The following SCARB2 variants were observed in gnomAD, a reference collection of about 807,000 sequenced individuals.
SCARB2 encodes scavenger receptor class B member 2, also known as lysosome membrane protein 2.
A neutral mutation model predicts 58.6 loss-of-function variants in SCARB2; 29 were observed. That is an observed-to-expected ratio of 0.49 (90% CI 0.37 to 0.67). The LOEUF is 0.67. SCARB2 is among the 30% of genes least tolerant of loss of function. The probability of loss-of-function intolerance (pLI) is 0.00; values close to 1 mark genes in which losing one functional copy is unlikely to be tolerated. For missense variants in SCARB2, 488 were observed against 578.5 expected, an observed-to-expected ratio of 0.84 and a Z score of 1.60; for synonymous variants, 195 against 210.1, an observed-to-expected ratio of 0.93 and a Z score of 0.62.
intron 1 of SCARB2, among the ~76,000 whole-genome samples, chr4:76,200,109 C>T (rs1316653579): frequency 1.3e-5 from 2 of 152,216 alleles, no homozygotes; most frequent in African/African-American, 4.8e-5. Context: ...TAGTGTCCCC[C>T]TCAAAGGCGC....
chr4:76,173,950 T>C (rs571599542), intron 7 of SCARB2, 194 bp downstream of exon 7: 1 of 662,706 alleles, frequency 1.5e-6, no homozygotes, highest in South Asian at 1.8e-5. Context: ...TTTTGTTTTT[T>C]AGAGACAGTG....
Position 76,169,893 on chromosome 4 carries a change from G to T in SCARB2, c.1087C>A (p.His363Asn), listed in dbSNP as rs758857853. The T allele has an allele frequency of 6.2e-7, 1 of 1,613,650 alleles. No individual in the cohort carries two copies. The highest frequency in any genetic ancestry group is 8.5e-7 in the Non-Finnish European group (1 of 1,179,596). The stretch of plus-strand genomic sequence containing the variant: ...GGATTAATGTCCACAAATGTCTCAT[G>T]GTCTTCCTGATTTGGGTGCATGCCT... ...IEGMHPNQED[H>N]ETFVDINPLT... The change falls in exon 8 of 12, where the codon CAT (histidine) becomes AAT (asparagine). Residue 363 changes from histidine (H) to asparagine (N), a missense_variant. Transcript: ENST00000264896.
At chr4:76,217,749 A>G (rs1733235800), upstream of SCARB2, 4 of 510,814 alleles carry the variant, frequency 7.8e-6, no homozygotes, top group East Asian at 1.2e-4. Flanking sequence ...TGCTGTGGCA[A>G]GGAGATACGG....
At chr4:76,195,401 G>A (rs1162334416) in intron 2 of SCARB2, 2 of 265,138 alleles carry the variant, frequency 7.5e-6, no homozygotes, top group African/African-American at 2.2e-5. Flanking sequence ...AGAATATCAA[G>A]GGGCAACCTT....
intron 1 of SCARB2, among the ~76,000 whole-genome samples, chr4:76,225,237 T>C (rs757600540): frequency 1.2e-4 from 18 of 152,244 alleles, no homozygotes; most frequent in Admixed American, 8.5e-4. Context: ...TGTATTGTGC[T>C]GCTATAAAGA....
In SCARB2 at chr4:76,169,969, C is replaced by T; in HGVS notation, c.1011G>A (p.Met337Ile). The T allele has an allele frequency of 3.1e-6, 5 of 1,613,714 alleles. No individual in the cohort carries two copies. Among genetic ancestry groups the T allele is most frequent in the South Asian group, 1.1e-5 (1 of 91,066 alleles). Residue 337 changes from methionine (M) to isoleucine (I), a missense_variant, in exon 8 of 12, where the codon ATG (methionine) becomes ATA (isoleucine). Met to Ile is a conservative substitution (Grantham distance 10). Coordinates refer to ENST00000264896, the MANE Select transcript of SCARB2 (RefSeq NM_005506.4). ...CTGCTTGGTAAAAGTGTGGGAAAGA[C>T]ATAATGATGGGTGCACCTGCATTTG... ...SICKNGAPII[M>I]SFPHFYQADE...
At chr4:76,232,903 A>G (rs930072376) in intron 1 of SCARB2, among the ~76,000 whole-genome samples, 1 of 152,226 alleles carries the variant, frequency 6.6e-6, no homozygotes, top group Non-Finnish European at 1.5e-5. Flanking sequence ...TTAAAGCAGC[A>G]AAAACCTTTA....
At chr4:76,180,287 G>C (rs1031365365) in intron 3 of SCARB2, 1 of 155,042 alleles carries the variant, frequency 6.4e-6, no homozygotes, top group African/African-American at 2.4e-5. Flanking sequence ...CCAGGAGGTA[G>C]AAGCTTCAGT....
rs1294537678 is a variant in SCARB2, at chr4:76,167,678, C to T, written c.1187+725G>A. Among the ~76,000 whole-genome samples, 44 of 123,132 alleles carry T rather than the reference C, an allele frequency of 3.6e-4. 1 individual carries two copies. Among genetic ancestry groups the T allele is most frequent in the Admixed American group, 3.4e-3 (44 of 12,830 alleles). 80.8% of individuals were successfully genotyped at this position (123,132 alleles called of 152,430 possible). A position where few individuals can be genotyped will look rare whatever the true frequency, so the allele number is the denominator to read the frequency against. ...TTTCCTTTCCCTCCCTCCCTCCCCC[C>T]CCCCGCTTTTTTTTTTTTTCCTGAG... On this transcript the variant is annotated intron_variant, in intron 9 of 11. Transcript: ENST00000264896.
chr4:76,182,667 A>G (rs774460250), intron 2 of SCARB2, among the ~76,000 whole-genome samples: 8 of 152,186 alleles, frequency 5.3e-5, no homozygotes, highest in Admixed American at 1.3e-4. Context: ...ACATGTCTTT[A>G]GCATTCAATT....
chr4:76,190,269 C>T (rs1304951149), intron 2 of SCARB2, among the ~76,000 whole-genome samples: 1 of 152,110 alleles, frequency 6.6e-6, no homozygotes, highest in Non-Finnish European at 1.5e-5. Context: ...CTCAACCCCC[C>T]AAAATGCTGG....
At chr4:76,174,459 C>A in intron 6 of SCARB2, 146 bp from the exon 7 acceptor site, 1 of 705,966 alleles carries the variant, frequency 1.4e-6, no homozygotes, top group Non-Finnish European at 2.5e-6. Flanking sequence ...GGCATTCTGT[C>A]AACTCAACGT....
At position 76,200,260 on chromosome 4, in the gene SCARB2, A is replaced by G. The variant is rs952209023; in HGVS notation, c.118-4396T>C. On this transcript the variant is annotated intron_variant, in intron 1 of 11. Coordinates refer to ENST00000264896, the MANE Select transcript of SCARB2 (RefSeq NM_005506.4). ...TAGTTACACTAAATGAAAAAGCAAC[A>G]TAAGGCCTTAAATCAGTTTTACAGT... Among the ~76,000 whole-genome samples the G allele has an allele frequency of 7.2e-5, 11 of 152,304 alleles. No individual in the cohort carries two copies. The East Asian group carries it at 1.2e-3, about 16-fold the overall frequency.
At chr4:76,188,650 GA>G (rs1002919128) in intron 2 of SCARB2, among the ~76,000 whole-genome samples, 1 of 152,196 alleles carries the variant, frequency 6.6e-6, no homozygotes, top group African/African-American at 2.4e-5. Flanking sequence ...TCAGTTGGGA[GA>G]AAACACTGGA....
At chr4:76,176,745 A>G (rs1257764380) in intron 4 of SCARB2, 5 of 457,232 alleles carry the variant, frequency 1.1e-5, no homozygotes, top group African/African-American at 1.0e-4. Context: ...AAAGCCTTAC[A>G]AGCAAAAACA....
intron 11 of SCARB2, 63 bp from the exon 12 acceptor site, chr4:76,161,814 A>G: frequency 6.4e-7 from 1 of 1,567,832 alleles, no homozygotes; most frequent in Admixed American, 1.7e-5. Context: ...CCCAGTGTGA[A>G]AAGTTTGGGT....
At chr4:76,171,401 C>G (rs925270202) in intron 7 of SCARB2, among the ~76,000 whole-genome samples, 10 of 152,056 alleles carry the variant, frequency 6.6e-5, no homozygotes, top group African/African-American at 2.2e-4. Context: ...TAAACTTTGG[C>G]CAATTTACCA....
At chr4:76,187,605 AT>A (rs1196232596) in intron 2 of SCARB2, among the ~76,000 whole-genome samples, 2 of 152,212 alleles carry the variant, frequency 1.3e-5, no homozygotes, top group Non-Finnish European at 2.9e-5. Flanking sequence ...TGAATAAAAA[AT>A]ATGTATATTT....
intron 7 of SCARB2, chr4:76,173,602 T>C (rs574185504): frequency 1.3e-5 from 2 of 159,124 alleles, no homozygotes; most frequent in Admixed American, 1.2e-4. Context: ...CCTCTCAAAG[T>C]GCTGGGAATA....
Sources: gnomAD v4.1 joint callset for allele counts (sites outside exome capture counted in the v4.1 genomes callset) on GRCh38, gnomAD v4.1.1 for gene constraint, MANE v1.5 for transcripts, NCBI Gene and HGNC (gene_info 2026-07-23, HGNC 2026-07-21) for gene names.